ZMIZ1: variants seen among roughly 807,000 people sequenced by gnomAD.
ZMIZ1 encodes the protein zinc finger MIZ domain-containing protein 1.
In ZMIZ1, 17 loss-of-function variants were observed where a neutral mutation model predicts 113.9. The observed-to-expected ratio is 0.15, with a 90% confidence interval of 0.10 to 0.22. The LOEUF (loss-of-function observed/expected upper bound fraction) is 0.22, where lower values mean the gene tolerates loss of function less well. Among genes scored for constraint, ZMIZ1 ranks in the 10% least tolerant of loss-of-function variants. The pLI, the probability that ZMIZ1 is intolerant of heterozygous loss-of-function variation, is 1.00. For missense variants in ZMIZ1, 1,059 were observed against 1,477.8 expected, an observed-to-expected ratio of 0.72 and a Z score of 4.65; for synonymous variants, 607 against 603.1, an observed-to-expected ratio of 1.01 and a Z score of -0.09.
chr10:79,275,600 G>T (rs927135110), intron 7 of ZMIZ1, among the ~76,000 whole-genome samples: 1 of 152,224 alleles, frequency 6.6e-6, no homozygotes, highest in Non-Finnish European at 1.5e-5. Context: ...ACCAGTGCCG[G>T]CCAAACGTGG....
At chr10:79,198,437 T>C (rs910436328) in intron 4 of ZMIZ1, among the ~76,000 whole-genome samples, 4 of 152,104 alleles carry the variant, frequency 2.6e-5, no homozygotes, top group African/African-American at 9.7e-5. Flanking sequence ...CCCCTCCTCC[T>C]TCCCCAGGCA....
In ZMIZ1 at chr10:79,154,356, G is replaced by C. The variant is rs373532338; in HGVS notation, c.-130-7697G>C. Among the ~76,000 whole-genome samples the C allele has an allele frequency of 1.1e-4, 17 of 152,270 alleles. No homozygotes were observed. The East Asian group carries it at 3.3e-3, about 29-fold the overall frequency. ...TAATGCTGCAGGGCATTTAGGATTGGGGGCCTCCCAGAGGTGGGATGGGGT... is the reference window on the plus strand; with the variant it reads ...TAATGCTGCAGGGCATTTAGGATTGCGGGCCTCCCAGAGGTGGGATGGGGT... On this transcript the variant is annotated intron_variant, in intron 3 of 24. Coordinates refer to ENST00000334512, the MANE Select transcript of ZMIZ1 (RefSeq NM_020338.4).
chr10:79,301,172 C>T (rs1854276610), intron 17 of ZMIZ1, among the ~76,000 whole-genome samples: 1 of 152,162 alleles, frequency 6.6e-6, no homozygotes, highest in Non-Finnish European at 1.5e-5. Flanking sequence ...CAGACGTGGC[C>T]TCTTCCCCTG....
chr10:79,092,757 A>G (rs897520044), intron 1 of ZMIZ1, among the ~76,000 whole-genome samples: 33 of 152,200 alleles, frequency 2.2e-4, no homozygotes, highest in Admixed American at 2.2e-3. Flanking sequence ...CAAGCCTTGC[A>G]CAAGGCATGT....
intron 7 of ZMIZ1, among the ~76,000 whole-genome samples, chr10:79,223,442 T>C (rs1849071670): frequency 6.6e-6 from 1 of 152,150 alleles, no homozygotes; most frequent in Admixed American, 6.5e-5. Context: ...GCTGGGATGT[T>C]GGGGAGGGGT....
chr10:79,256,916 C>T (rs1850942875), intron 7 of ZMIZ1, among the ~76,000 whole-genome samples: 1 of 152,186 alleles, frequency 6.6e-6, no homozygotes, highest in Non-Finnish European at 1.5e-5. Flanking sequence ...GTGGGGAGAC[C>T]TGAGGGGTGA....
At chr10:79,160,461 A>G (rs1197426170) in intron 3 of ZMIZ1, among the ~76,000 whole-genome samples, 3 of 152,216 alleles carry the variant, frequency 2.0e-5, no homozygotes, top group Admixed American at 6.5e-5. Context: ...TGGCCCTCGC[A>G]TGCAGTGCAT....
rs1006546211 is a variant in ZMIZ1, at chr10:79,265,422, T to C, written c.281-11759T>C. Reference sequence around the variant, plus strand: ...GTGGGGGCAGCAGAGACGGACAGGGTCACTCGCAGCCCAAGCGCCAGCAGA... The same window carrying C: ...GTGGGGGCAGCAGAGACGGACAGGGCCACTCGCAGCCCAAGCGCCAGCAGA... On this transcript the variant is annotated intron_variant, in intron 7 of 24. Coordinates refer to ENST00000334512, the MANE Select transcript of ZMIZ1 (RefSeq NM_020338.4). Among the ~76,000 whole-genome samples, 114 of 151,064 alleles carry C rather than the reference T, an allele frequency of 7.5e-4. 1 individual carries two copies. The highest frequency in any genetic ancestry group is 2.7e-3 in the African/African-American group (109 of 41,096).
At chr10:79,152,171 A>ATG (rs1845741048) in intron 3 of ZMIZ1, among the ~76,000 whole-genome samples, 1 of 152,190 alleles carries the variant, frequency 6.6e-6, no homozygotes, top group Non-Finnish European at 1.5e-5. Context: ...AAGGGATTTC[A>ATG]GCCATGGCCC....
chr10:79,198,558 A>T lies in ZMIZ1; in HGVS notation c.-49-3026A>T, dbSNP rs1589412231. Among the ~76,000 whole-genome samples the T allele has an allele frequency of 3.9e-5, 6 of 152,178 alleles. No individual in the cohort carries two copies. The South Asian group carries it at 1.2e-3, about 32-fold the overall frequency. ...GGATGGTTGGCAGGGTGAGGGTGGA[A>T]GAAATAAATATGGGTACAACCCCCA... On this transcript the variant is annotated intron_variant, in intron 4 of 24. Coordinates refer to ENST00000334512, the MANE Select transcript of ZMIZ1 (RefSeq NM_020338.4).
At chr10:79,176,722 G>A (rs1846885443) in intron 4 of ZMIZ1, among the ~76,000 whole-genome samples, 2 of 152,196 alleles carry the variant, frequency 1.3e-5, no homozygotes, top group Non-Finnish European at 2.9e-5. Context: ...GTGGAGGTGA[G>A]CTGCCATCAC....
rs547771689 is a variant in ZMIZ1 at position 79,199,467 on chromosome 10, C to T, written c.-49-2117C>T. Among the ~76,000 whole-genome samples the T allele has an allele frequency of 8.6e-5, 13 of 151,856 alleles. No individual in the cohort carries two copies. In the East Asian group the frequency reaches 2.5e-3, roughly 29 times the overall value. On this transcript the variant is annotated intron_variant, in intron 4 of 24. Transcript: ENST00000334512. ...GTTACAGTGAGCCAAGATTGCGCCA[C>T]TGCACTCCAGCCTGGGCGACAAAGT...
chr10:79,099,769 TC>T lies in ZMIZ1; in HGVS notation c.-336-19144del, dbSNP rs545517363. Among the ~76,000 whole-genome samples, 19 of 152,280 alleles carry T rather than the reference TC, an allele frequency of 1.2e-4. No homozygotes were observed. In the South Asian group the frequency reaches 3.3e-3, roughly 27 times the overall value. On this transcript the variant is annotated intron_variant, in intron 1 of 24. Coordinates refer to ENST00000334512, the MANE Select transcript of ZMIZ1 (RefSeq NM_020338.4). Reference sequence around the variant, plus strand: ...ACTTGGGCTTGGAGGAAGTGTCCCTTCCTGCCAGAGGAGCGGGGGCTGGGTG... The same window carrying T: ...ACTTGGGCTTGGAGGAAGTGTCCCTTCTGCCAGAGGAGCGGGGGCTGGGTG...
intron 2 of ZMIZ1, among the ~76,000 whole-genome samples, chr10:79,130,150 C>G (rs920026570): frequency 2.0e-5 from 3 of 152,228 alleles, no homozygotes; most frequent in Non-Finnish European, 4.4e-5. Context: ...CATCTCACCC[C>G]TGCTGGGGAC....
intron 4 of ZMIZ1, among the ~76,000 whole-genome samples, chr10:79,180,861 G>C (rs1298076404): frequency 1.3e-5 from 2 of 152,242 alleles, no homozygotes; most frequent in African/African-American, 4.8e-5. Flanking sequence ...GGTCTTCGGG[G>C]CCAGCACACC....
rs139628032 is a variant in ZMIZ1 at position 79,196,787 on chromosome 10, C to T, written c.-49-4797C>T. ...GCCCACCGGGCTCTGCCCCCGGACA[C>T]AATGTCAGGAGAAAGTTCCTCTTGA... On this transcript the variant is annotated intron_variant, in intron 4 of 24. Coordinates refer to ENST00000334512, the MANE Select transcript of ZMIZ1 (RefSeq NM_020338.4). 4.6e-3 allele frequency among the ~76,000 whole-genome samples: 698 copies of T among 152,360 alleles called. 4 individuals carry two copies. The highest frequency in any genetic ancestry group is 0.016 in the African/African-American group (670 of 41,588).
chr10:79,306,196 C>A lies in ZMIZ1; in HGVS notation c.2520C>A (p.Ile840=). The A allele has an allele frequency of 6.2e-7, 1 of 1,614,166 alleles. No individual in the cohort carries two copies. The highest frequency in any genetic ancestry group is 8.5e-7 in the Non-Finnish European group (1 of 1,180,026). Residue 840 remains isoleucine (I), a synonymous_variant, in exon 22 of 25, where the codon ATC becomes ATA. Transcript: ENST00000334512. ...ACATCAAGGACGACCCTGATGGCAT[C>A]CCCTCCAAGCGGTTCAAGACCATGA... is the stretch of plus-strand genomic sequence containing the variant. ...DLHIKDDPDG[I]PSKRFKTMSP... is the part of the protein sequence containing the mutation.
At chr10:79,248,836 C>T (rs1349436947) in intron 7 of ZMIZ1, among the ~76,000 whole-genome samples, 1 of 152,170 alleles carries the variant, frequency 6.6e-6, no homozygotes, top group African/African-American at 2.4e-5. Context: ...GTGTGCATTT[C>T]CCTGGGGCTG....
chr10:79,305,253 G>A (rs1854603653), intron 20 of ZMIZ1, 22 bp downstream of exon 20: 1 of 1,613,354 alleles, frequency 6.2e-7, no homozygotes, highest in Non-Finnish European at 8.5e-7. Flanking sequence ...CCACCCCGGT[G>A]GGGGCTTCCC....
Sources: gnomAD v4.1 joint callset for allele counts (sites outside exome capture counted in the v4.1 genomes callset) on GRCh38, gnomAD v4.1.1 for gene constraint, MANE v1.5 for transcripts, NCBI Gene and HGNC (gene_info 2026-07-23, HGNC 2026-07-21) for gene names.